The following BICDL1 variants were observed in gnomAD, a reference collection of about 807,000 sequenced individuals.
The protein encoded by BICDL1 is BICD family-like cargo adapter 1.
Under a neutral mutation model 76.8 loss-of-function variants are expected in BICDL1, and 20 were observed. The ratio of observed to expected loss-of-function variants is 0.26; its 90% CI spans 0.18 to 0.38. The LOEUF is 0.38. BICDL1 is among the 10% of genes least tolerant of loss of function. The probability of loss-of-function intolerance (pLI) is 1.00; values close to 1 mark genes in which losing one functional copy is unlikely to be tolerated. For missense variants in BICDL1, 700 were observed against 798.6 expected (o/e 0.88, Z 1.49); for synonymous variants, 383 against 337.1 (o/e 1.14, Z -1.49).
chr12:120,049,031 A>G (rs1274552440), intron 2 of BICDL1, among the ~76,000 whole-genome samples: 1 of 152,200 alleles, frequency 6.6e-6, no homozygotes, highest in Non-Finnish European at 1.5e-5. Flanking sequence ...AATGAATTAG[A>G]TGCTGTCACT....
intron 2 of BICDL1, among the ~76,000 whole-genome samples, chr12:120,048,811 A>G (rs1952798896): frequency 6.6e-6 from 1 of 151,786 alleles, no homozygotes; most frequent in Admixed American, 6.6e-5. Context: ...GGCTTATTAA[A>G]CTTTTGTTGA....
At chr12:120,084,763 G>A (rs199910514) in intron 8 of BICDL1, among the ~76,000 whole-genome samples, 2 of 151,666 alleles carry the variant, frequency 1.3e-5, no homozygotes, top group Admixed American at 6.6e-5. Flanking sequence ...GGTGGCAGGC[G>A]CCTGTAATCC....
chr12:120,048,127 AAC>A (rs927171949), intron 2 of BICDL1, among the ~76,000 whole-genome samples: 13 of 152,076 alleles, frequency 8.5e-5, no homozygotes, highest in African/African-American at 3.1e-4. Context: ...TGATGTTATC[AAC>A]ACAGTTTTTT....
intron 2 of BICDL1, among the ~76,000 whole-genome samples, chr12:120,001,744 A>G (rs1277115005): frequency 6.6e-6 from 1 of 152,058 alleles, no homozygotes; most frequent in African/African-American, 2.4e-5. Context: ...CATAACATTT[A>G]CCCTTTAAAA....
intron 9 of BICDL1, 114 bp from the exon 10 acceptor site, chr12:120,092,886 T>C: frequency 6.9e-7 from 1 of 1,459,566 alleles, no homozygotes; most frequent in South Asian, 1.5e-5. Flanking sequence ...CTGCAGCCTC[T>C]CACTCATCAC....
intron 1 of BICDL1, among the ~76,000 whole-genome samples, chr12:119,991,306 C>T (rs1951518144): frequency 6.6e-6 from 1 of 152,108 alleles, no homozygotes; most frequent in South Asian, 2.1e-4. Flanking sequence ...TGAAATTGAC[C>T]CTAGTCAGGT....
chr12:120,086,141 C>A (rs999237982), intron 8 of BICDL1, among the ~76,000 whole-genome samples: 1 of 152,218 alleles, frequency 6.6e-6, no homozygotes, highest in Non-Finnish European at 1.5e-5. Flanking sequence ...TGCAAATTCT[C>A]CCCTCTGGAA....
chr12:120,008,360 T>A (rs1951889830), intron 2 of BICDL1, among the ~76,000 whole-genome samples: 1 of 152,116 alleles, frequency 6.6e-6, no homozygotes, highest in African/African-American at 2.4e-5. Flanking sequence ...AGTTTCACCG[T>A]GCTGCCCGGG....
At chr12:119,996,157 G>C (rs920159373) in intron 1 of BICDL1, among the ~76,000 whole-genome samples, 2 of 152,068 alleles carry the variant, frequency 1.3e-5, no homozygotes, top group African/African-American at 4.8e-5. Context: ...CACTCGAGTG[G>C]CTATCTCCAA....
intron 7 of BICDL1, among the ~76,000 whole-genome samples, chr12:120,075,285 C>T (rs895751003): frequency 7.2e-5 from 11 of 152,130 alleles, no homozygotes; most frequent in Admixed American, 6.6e-4. Flanking sequence ...CTTGCTCCTG[C>T]CCCTGTCCTT....
chr12:120,039,483 C>A (rs1480348604), intron 2 of BICDL1, among the ~76,000 whole-genome samples: 2 of 151,200 alleles, frequency 1.3e-5, no homozygotes, highest in African/African-American at 4.9e-5. Context: ...ACTAAAAATA[C>A]AAAAATTAGC....
At position 120,079,466 on chromosome 12, in the gene BICDL1, C is replaced by T. The variant is rs76576596; in HGVS notation, c.1453-1421C>T. Among the ~76,000 whole-genome samples, 9,072 of 152,094 alleles carry T rather than the reference C, an allele frequency of 0.06. 306 individuals carry two copies. The highest frequency in any genetic ancestry group is 0.073 in the Non-Finnish European group (4,938 of 67,980). On this transcript the variant is annotated intron_variant, in intron 7 of 9. Transcript: ENST00000548673. This position sits in a 1 kb window ranked among gnomAD's most constrained non-coding sequence, Gnocchi z 4.3. The stretch of plus-strand genomic sequence containing the variant: ...GTATGCTGAAAGGTGGCATTTGTCC[C>T]GTTGTGGGAGGGAGGCAGACCTGTA...
In BICDL1 at chr12:119,989,906, C is replaced by T; in HGVS notation, c.38C>T (p.Ser13Leu). Residue 13 changes from serine (S) to leucine (L), a missense_variant, in exon 1 of 10, where the codon TCA becomes TTA. Physicochemically the swap from Ser to Leu is moderately radical, Grantham distance 145. Transcript: ENST00000548673. ...AFCLGLVGRASAPAEPDSACC... is the reference protein window; with the variant it reads ...AFCLGLVGRALAPAEPDSACC... ...TGCCTGGGCTTGGTCGGCCGCGCTTCAGCACCCGCCGAGCCGGACAGCGCC... is the reference window on the plus strand; with the variant it reads ...TGCCTGGGCTTGGTCGGCCGCGCTTTAGCACCCGCCGAGCCGGACAGCGCC... 2 of 1,452,326 alleles carry T rather than the reference C, an allele frequency of 1.4e-6. No homozygotes were observed. Among genetic ancestry groups the T allele is most frequent in the Non-Finnish European group, 1.8e-6 (2 of 1,114,478 alleles). The allele number at this position is 1,452,326 out of a possible 1,614,324, so 90.0% of individuals were successfully genotyped here.
intron 2 of BICDL1, among the ~76,000 whole-genome samples, chr12:120,037,392 G>T (rs1952549087): frequency 6.6e-6 from 1 of 151,952 alleles, no homozygotes; most frequent in Admixed American, 6.6e-5. Flanking sequence ...TGGTCTGGAG[G>T]TTTCACATAT....
At chr12:120,028,785 A>G (rs1279305743) in intron 2 of BICDL1, among the ~76,000 whole-genome samples, 1 of 152,140 alleles carries the variant, frequency 6.6e-6, no homozygotes, top group Non-Finnish European at 1.5e-5. Context: ...AGGCTAGAGG[A>G]GCTTCTGGCT....
rs1440419823 is a variant in BICDL1, at chr12:120,072,500, C to T, written c.1090-11C>T. The T allele has an allele frequency of 1.9e-6, 3 of 1,613,412 alleles. No homozygotes were observed. The highest frequency in any genetic ancestry group is 2.5e-6 in the Non-Finnish European group (3 of 1,179,478). ...AGAGTCTGAAATGAATAGTAATTCT[C>T]TGTGGAACAGCTGAGACTGCAGCTC... On this transcript the variant is annotated splice_polypyrimidine_tract_variant and intron_variant, in intron 5 of 9. Coordinates refer to ENST00000548673, the MANE Select transcript of BICDL1 (RefSeq NM_001367886.1).
intron 4 of BICDL1, among the ~76,000 whole-genome samples, chr12:120,068,106 A>C (rs1316077611): frequency 6.6e-6 from 1 of 152,216 alleles, no homozygotes; most frequent in Non-Finnish European, 1.5e-5. Context: ...TCTGCAAGGC[A>C]GCTTTCTCCC....
At chr12:119,996,949 GATT>G (rs1951661302) in intron 1 of BICDL1, among the ~76,000 whole-genome samples, 1 of 148,264 alleles carries the variant, frequency 6.7e-6, no homozygotes. Flanking sequence ...GAAACAAAAA[GATT>G]TTTTTTTTTT....
At chr12:120,087,254 G>A (rs1278373136) in intron 8 of BICDL1, among the ~76,000 whole-genome samples, 1 of 152,240 alleles carries the variant, frequency 6.6e-6, no homozygotes, top group Non-Finnish European at 1.5e-5. Context: ...CCATTAGACG[G>A]GCTCGGGTCC....
Sources: gnomAD v4.1 joint callset for allele counts (sites outside exome capture counted in the v4.1 genomes callset) on GRCh38, gnomAD v4.1.1 for gene constraint, Gnocchi (gnomAD v3.1) non-coding constraint, MANE v1.5 for transcripts, NCBI Gene and HGNC (gene_info 2026-07-23, HGNC 2026-07-21) for gene names.